Variants in CDCA7 observed in about 807,000 individuals in gnomAD.
The protein encoded by CDCA7 is cell division cycle associated 7, also known as cell division cycle-associated protein 7.
CDCA7 carries 28 observed loss-of-function variants against 54.0 expected under a neutral mutation model. The observed-to-expected ratio is 0.52, with a 90% CI of 0.38 to 0.71. The LOEUF is 0.71. CDCA7 is among the 30% of genes least tolerant of loss of function. The pLI, the probability that CDCA7 is intolerant of heterozygous loss-of-function variation, is 0.00. For synonymous variants in CDCA7, 180 were observed against 208.2 expected (o/e 0.86, Z 1.16); for missense variants, 484 against 586.0 (o/e 0.83, Z 1.80).
At position 173,367,714 on chromosome 2, in the gene CDCA7, A is replaced by G. The variant is rs760128101; in HGVS notation, c.*50A>G. ...TTCTACTTCTCAAATCTTTCTTGTA[A>G]AAGTTTCCAATTTTTTCACTGAAAC... is the stretch of plus-strand genomic sequence containing the variant. On this transcript the variant is annotated 3_prime_UTR_variant, in exon 10 of 10. Transcript: ENST00000306721. 2 of 1,600,552 alleles carry G rather than the reference A, an allele frequency of 1.2e-6. No homozygotes were observed. Among genetic ancestry groups the G allele is most frequent in the Admixed American group, 1.7e-5 (1 of 59,464 alleles).
intron 5 of CDCA7, chr2:173,364,117 G>T (rs1686673349): frequency 4.7e-6 from 2 of 422,888 alleles, no homozygotes. Flanking sequence ...CCTTTTGATT[G>T]GTTCTTTCTT....
At chr2:173,355,023 TG>T in intron 1 of CDCA7, 39 bp downstream of exon 1, 1 of 1,360,082 alleles carries the variant, frequency 7.4e-7, no homozygotes, top group Non-Finnish European at 9.4e-7. Flanking sequence ...GCGGGCGCGG[TG>T]GGTGCTGGAC....
chr2:173,358,563 C>T, intron 1 of CDCA7, 149 bp from the exon 2 acceptor site: 1 of 790,922 alleles, frequency 1.3e-6, no homozygotes, highest in Non-Finnish European at 1.8e-6. Flanking sequence ...TTTTTTGTAG[C>T]AGTTAACAAA....
chr2:173,367,358 G>T (rs1478052560), intron 9 of CDCA7, 72 bp downstream of exon 9: 1 of 1,595,796 alleles, frequency 6.3e-7, no homozygotes, highest in Non-Finnish European at 8.6e-7. Flanking sequence ...GAAGATGATA[G>T]ATGTCAGAAG....
chr2:173,355,005 C>T lies in CDCA7; in HGVS notation c.21+21C>T. ...TGCCGGTGAGGGCTGGGCGGGCGAA[C>T]CCGAGGGGCGGGCGCGGTGGGTGCT... On this transcript the variant is annotated intron_variant, in intron 1 of 9. Transcript: ENST00000306721. The T allele has an allele frequency of 2.9e-6, 4 of 1,374,200 alleles. No homozygotes were observed. The South Asian group carries it at 5.2e-5, about 18-fold the overall frequency. 85.1% of individuals were successfully genotyped at this position (1,374,200 alleles called of 1,614,324 possible). A position where few individuals can be genotyped will look rare whatever the true frequency, so the allele number is the denominator to read the frequency against.
intron 3 of CDCA7, 58 bp from the exon 4 acceptor site, chr2:173,363,168 T>C: frequency 6.6e-7 from 1 of 1,523,782 alleles, no homozygotes; most frequent in South Asian, 1.1e-5. Context: ...GACTTTGTAG[T>C]TATACTGATG....
rs1686760780 is a variant in CDCA7, at chr2:173,368,316, C to G, written c.*652C>G. 6.6e-6 allele frequency: 1 copy of G among 152,230 alleles called. No homozygotes were observed. The highest frequency in any genetic ancestry group is 6.5e-5 in the Admixed American group (1 of 15,288). 9.4% of individuals were successfully genotyped at this position (152,230 alleles called of 1,614,324 possible). On this transcript the variant is annotated 3_prime_UTR_variant, in exon 10 of 10. Transcript: ENST00000306721. ...AAGTGGTGCGTCCAGCTTACACAAT[C>G]ATAATTCAAAGGTTGGTGGGCAATG...
At chr2:173,357,694 A>G (rs1686535401) in intron 1 of CDCA7, among the ~76,000 whole-genome samples, 1 of 152,174 alleles carries the variant, frequency 6.6e-6, no homozygotes, top group Non-Finnish European at 1.5e-5. Flanking sequence ...TGTACTTTTG[A>G]AATTTCCTTT....
chr2:173,367,511 G>T, intron 9 of CDCA7, 123 bp from the exon 10 acceptor site: 2 of 1,328,882 alleles, frequency 1.5e-6, no homozygotes. Flanking sequence ...TTGAAGATGC[G>T]CACACTTGAC....
intron 7 of CDCA7, among the ~76,000 whole-genome samples, chr2:173,365,826 A>C (rs191875442): frequency 3.7e-4 from 57 of 152,364 alleles, no homozygotes; most frequent in African/African-American, 1.3e-3. Flanking sequence ...CTCCTAATTT[A>C]GAAATCAATT....
chr2:173,366,647 T>C lies in CDCA7; in HGVS notation c.1185+215T>C, dbSNP rs1686727093. ...TCCTCCTCCTGGGTTCAAGCGATTCTCCTGCCTCAGCCTCCCAAGTAGCTG... is the reference window on the plus strand; with the variant it reads ...TCCTCCTCCTGGGTTCAAGCGATTCCCCTGCCTCAGCCTCCCAAGTAGCTG... On this transcript the variant is annotated intron_variant, in intron 8 of 9. Coordinates refer to ENST00000306721, the MANE Select transcript of CDCA7 (RefSeq NM_031942.5). The surrounding 1 kb of genome is among the most constrained non-coding windows in gnomAD (Gnocchi z 4.5). Among the ~76,000 whole-genome samples, 1 of 152,148 alleles carries C rather than the reference T, an allele frequency of 6.6e-6. No individual in the cohort carries two copies.
At chr2:173,364,087 T>C in intron 5 of CDCA7, 192 bp downstream of exon 5, 1 of 504,156 alleles carries the variant, frequency 2.0e-6, no homozygotes, top group Non-Finnish European at 3.5e-6. Context: ...CTCCTTGCTG[T>C]GCTCCTGTGG....
chr2:173,362,335 G>C (rs576516673), intron 3 of CDCA7, among the ~76,000 whole-genome samples: 1 of 152,102 alleles, frequency 6.6e-6, no homozygotes, highest in African/African-American at 2.4e-5. Context: ...CTGTTTAATG[G>C]GTATGGATGG....
intron 7 of CDCA7, 31 bp downstream of exon 7, chr2:173,365,623 T>G (rs1239537846): frequency 6.2e-7 from 1 of 1,608,898 alleles, no homozygotes; most frequent in Non-Finnish European, 8.5e-7. Flanking sequence ...CCTGAGAATG[T>G]AAACATCTGT....
rs199704928 is a variant in CDCA7, at chr2:173,363,311, C to T, written c.470C>T (p.Ala157Val). Residue 157 changes from alanine to valine, a missense_variant, in exon 4 of 10, where the codon GCG (alanine) becomes GTG (valine). Physicochemically the swap from Ala to Val is moderately conservative, Grantham distance 64. Coordinates refer to ENST00000306721, the MANE Select transcript of CDCA7 (RefSeq NM_031942.5). ...GPLRVAMKFP[A>V]RSTRGATNKK... The stretch of plus-strand genomic sequence containing the variant: ...CTCAGGGTGGCGATGAAGTTTCCAG[C>T]GCGGAGTACCAGGGGAGCAACCAAC... 141 of 1,614,034 alleles carry T rather than the reference C, an allele frequency of 8.7e-5. No homozygotes were observed. Among genetic ancestry groups the T allele is most frequent in the Admixed American group, 3.7e-4 (22 of 59,990 alleles).
rs1686466922 is a variant in CDCA7 at position 173,355,004 on chromosome 2, A to G, written c.21+20A>G. 1 of 1,374,344 alleles carries G rather than the reference A, an allele frequency of 7.3e-7. No individual in the cohort carries two copies. The highest frequency in any genetic ancestry group is 9.3e-7 in the Non-Finnish European group (1 of 1,073,614). 85.1% of individuals were successfully genotyped at this position (1,374,344 alleles called of 1,614,324 possible). The stretch of plus-strand genomic sequence containing the variant: ...GTGCCGGTGAGGGCTGGGCGGGCGA[A>G]CCCGAGGGGCGGGCGCGGTGGGTGC... On this transcript the variant is annotated intron_variant, in intron 1 of 9. Coordinates refer to ENST00000306721, the MANE Select transcript of CDCA7 (RefSeq NM_031942.5).
chr2:173,362,907 C>A (rs1488765705), intron 3 of CDCA7, among the ~76,000 whole-genome samples: 1 of 152,096 alleles, frequency 6.6e-6, no homozygotes. Flanking sequence ...TGTCAGAATT[C>A]TTTTAAAATA....
At chr2:173,355,100 C>T (rs1686469827) in intron 1 of CDCA7, 116 bp downstream of exon 1, 2 of 1,149,712 alleles carry the variant, frequency 1.7e-6, no homozygotes, top group South Asian at 3.6e-5. Flanking sequence ...GGTGGCCTGC[C>T]TAGGCGTTGC....
At chr2:173,357,154 A>T (rs1182720785) in intron 1 of CDCA7, among the ~76,000 whole-genome samples, 1 of 152,216 alleles carries the variant, frequency 6.6e-6, no homozygotes, top group Non-Finnish European at 1.5e-5. Context: ...CTAATGCAAC[A>T]CTTAGGAAAT....
Sources: allele counts gnomAD v4.1 joint callset (sites outside exome capture counted in the v4.1 genomes callset), GRCh38; gene constraint gnomAD v4.1.1; non-coding constraint Gnocchi (gnomAD v3.1); transcripts MANE v1.5; gene names NCBI Gene and HGNC (gene_info 2026-07-23, HGNC 2026-07-21).